LINGO2: variants seen among roughly 807,000 people sequenced by gnomAD.
The protein encoded by LINGO2 is leucine-rich repeat and immunoglobulin-like domain-containing nogo receptor-interacting protein 2.
Under a neutral mutation model 30.6 loss-of-function variants are expected in LINGO2, and 14 were observed. That is an observed-to-expected ratio of 0.46 (90% CI 0.30 to 0.72). LINGO2 has a LOEUF of 0.72. Ranked by LOEUF, LINGO2 falls within the 30% of genes least tolerant of loss-of-function variation. The pLI, the probability that LINGO2 is intolerant of heterozygous loss-of-function variation, is 0.07. For synonymous variants in LINGO2, 317 were observed against 288.5 expected (o/e 1.10, Z -1.00); for missense variants, 729 against 751.7 (o/e 0.97, Z 0.35).
the LINGO2 span, among the ~76,000 whole-genome samples, chr9:29,079,746 T>A: frequency 2.6e-5 from 4 of 151,792 alleles, no homozygotes; most frequent in African/African-American, 9.7e-5. Flanking sequence ...TGAAAGGACA[T>A]ATGGTCCTTT....
chr9:29,083,512 C>T, the LINGO2 span, among the ~76,000 whole-genome samples: 1 of 151,946 alleles, frequency 6.6e-6, no homozygotes, highest in African/African-American at 2.4e-5. Context: ...AGCACACCAA[C>T]ATGGCACATG....
At chr9:29,135,520 T>G in the LINGO2 span, among the ~76,000 whole-genome samples, 1 of 147,350 alleles carries the variant, frequency 6.8e-6, no homozygotes. Context: ...ATTGCACCAC[T>G]GCACTCCAGC....
At chr9:28,050,456 G>T (rs938192710) in intron 4 of LINGO2, among the ~76,000 whole-genome samples, 12 of 150,720 alleles carry the variant, frequency 8.0e-5, no homozygotes, top group Non-Finnish European at 1.2e-4. Context: ...CTCTTCAAAA[G>T]CTATTAATGT....
At chr9:28,713,684 G>A in the LINGO2 span, among the ~76,000 whole-genome samples, 1 of 152,106 alleles carries the variant, frequency 6.6e-6, no homozygotes, top group Non-Finnish European at 1.5e-5. Context: ...GTGTGGAGGG[G>A]TGTGGTCAGG....
chr9:28,936,231 C>A, the LINGO2 span, among the ~76,000 whole-genome samples: 3 of 152,070 alleles, frequency 2.0e-5, no homozygotes, highest in Non-Finnish European at 4.4e-5. Flanking sequence ...ATGATCATAT[C>A]TTTTCTTTAA....
At chr9:28,395,568 A>C (rs899917593) in intron 2 of LINGO2, among the ~76,000 whole-genome samples, 3 of 152,168 alleles carry the variant, frequency 2.0e-5, no homozygotes, top group Admixed American at 6.6e-5. Flanking sequence ...CTTAAAGTGG[A>C]AAGCCTGGTC....
intron 1 of LINGO2, among the ~76,000 whole-genome samples, chr9:28,574,595 A>G (rs951051016): frequency 3.9e-5 from 6 of 152,200 alleles, no homozygotes; most frequent in African/African-American, 1.4e-4. Context: ...CCGGGAGATT[A>G]CTATGAAGAG....
At chr9:27,940,087 A>G in the LINGO2 span, 10 of 152,144 alleles carry the variant, frequency 6.6e-5, no homozygotes, top group African/African-American at 2.4e-4. Flanking sequence ...TTAGCAGACA[A>G]ATAGAATAGG....
chr9:29,083,858 C>T, the LINGO2 span, among the ~76,000 whole-genome samples: 4 of 152,094 alleles, frequency 2.6e-5, no homozygotes, highest in Admixed American at 2.6e-4. Context: ...TCCAGGATGG[C>T]AATAAAAGGA....
intron 2 of LINGO2, among the ~76,000 whole-genome samples, chr9:28,462,527 G>A (rs1366336219): frequency 6.6e-6 from 1 of 151,756 alleles, no homozygotes; most frequent in South Asian, 2.1e-4. Flanking sequence ...ACAAATAGGG[G>A]GAAAAAATGG....
At chr9:28,031,216 A>G (rs571695370) in intron 4 of LINGO2, among the ~76,000 whole-genome samples, 6 of 152,270 alleles carry the variant, frequency 3.9e-5, no homozygotes, top group African/African-American at 1.2e-4. Flanking sequence ...TCTCTGATAT[A>G]TTAAAAATTT....
chr9:28,339,935 G>C (rs1825712367), intron 3 of LINGO2, among the ~76,000 whole-genome samples: 1 of 152,072 alleles, frequency 6.6e-6, no homozygotes, highest in African/African-American at 2.4e-5. Context: ...GTGCCTACTG[G>C]CTTTACTTGC....
intron 4 of LINGO2, among the ~76,000 whole-genome samples, chr9:28,110,227 C>G (rs139907382): frequency 1.0e-3 from 157 of 152,224 alleles, no homozygotes; most frequent in Middle Eastern, 0.01. Flanking sequence ...TTCCTTACAC[C>G]TTATATAAAA....
chr9:28,063,290 A>G (rs997826908), intron 4 of LINGO2, among the ~76,000 whole-genome samples: 1 of 152,058 alleles, frequency 6.6e-6, no homozygotes, highest in Non-Finnish European at 1.5e-5. Context: ...CCTCACAGAG[A>G]TTTTTCTGAA....
At chr9:28,254,034 T>C (rs913998796) in intron 4 of LINGO2, among the ~76,000 whole-genome samples, 1 of 152,196 alleles carries the variant, frequency 6.6e-6, no homozygotes, top group South Asian at 2.1e-4. Context: ...ATTCCATTTT[T>C]CCTCACCCTT....
intron 1 of LINGO2, among the ~76,000 whole-genome samples, chr9:28,600,741 T>G (rs1430390721): frequency 6.6e-6 from 1 of 152,122 alleles, no homozygotes; most frequent in African/African-American, 2.4e-5. Context: ...TACTAGCTGT[T>G]TGTGGCTAAA....
chr9:28,734,520 A>G, the LINGO2 span, among the ~76,000 whole-genome samples: 11 of 152,170 alleles, frequency 7.2e-5, no homozygotes, highest in Non-Finnish European at 1.3e-4. Flanking sequence ...GAGGGGAGAA[A>G]TGAAGCACAG....
At chr9:28,979,342 C>T in the LINGO2 span, among the ~76,000 whole-genome samples, 1 of 151,992 alleles carries the variant, frequency 6.6e-6, no homozygotes, top group East Asian at 1.9e-4. Context: ...CATATGGTGG[C>T]TTTCAAAGTA....
At chr9:28,911,136 A>G in the LINGO2 span, among the ~76,000 whole-genome samples, 1 of 152,072 alleles carries the variant, frequency 6.6e-6, no homozygotes, top group South Asian at 2.1e-4. Flanking sequence ...TATGTCAATA[A>G]AAGAGGCAGT....
Sources: gnomAD v4.1 joint callset for allele counts (sites outside exome capture counted in the v4.1 genomes callset) on GRCh38, gnomAD v4.1.1 for gene constraint, MANE v1.5 for transcripts, NCBI Gene and HGNC (gene_info 2026-07-23, HGNC 2026-07-21) for gene names.